ASXL2: variants seen among roughly 807,000 people sequenced by gnomAD.
ASXL2 encodes the protein ASXL transcriptional regulator 2.
In ASXL2, 23 loss-of-function variants were observed where a neutral mutation model predicts 122.0. That is an observed-to-expected ratio of 0.19 (90% CI 0.14 to 0.27). The LOEUF (loss-of-function observed/expected upper bound fraction) is 0.27, where lower values mean the gene tolerates loss of function less well. Ranked by LOEUF, ASXL2 falls within the 10% of genes least tolerant of loss-of-function variation. ASXL2 has a pLI of 1.00. For synonymous variants in ASXL2, 650 were observed against 637.0 expected (o/e 1.02, Z -0.31); for missense variants, 1,518 against 1,713.8 (o/e 0.89, Z 2.02).
intron 3 of ASXL2, among the ~76,000 whole-genome samples, chr2:25,832,571 CAA>C (rs371192944): frequency 1.4e-5 from 2 of 140,894 alleles, no homozygotes. Flanking sequence ...CAGCATGGGC[CAA>C]AAAAAAAAAA....
intron 1 of ASXL2, 98 bp downstream of exon 1, chr2:25,878,068 G>A: frequency 1.3e-6 from 2 of 1,506,012 alleles, no homozygotes; most frequent in African/African-American, 1.4e-5. Flanking sequence ...TGCCCCTTCA[G>A]CCGGGTCCCT....
chr2:25,781,856 G>A (rs1428446664), intron 5 of ASXL2, among the ~76,000 whole-genome samples: 1 of 150,286 alleles, frequency 6.7e-6, no homozygotes, highest in African/African-American at 2.4e-5. Flanking sequence ...TAGAGACGGG[G>A]TTTTGCCATA....
At chr2:25,863,567 C>A (rs2089863810) in intron 1 of ASXL2, among the ~76,000 whole-genome samples, 1 of 151,502 alleles carries the variant, frequency 6.6e-6, no homozygotes, top group Admixed American at 6.6e-5. Context: ...GTGGCAGGCA[C>A]CTGTAGTCCC....
intron 3 of ASXL2, among the ~76,000 whole-genome samples, chr2:25,807,817 T>C (rs527276933): frequency 2.0e-4 from 30 of 152,264 alleles, no homozygotes; most frequent in African/African-American, 7.0e-4. Context: ...GGTCATGCCA[T>C]AGTCCCCTGT....
At position 25,743,764 on chromosome 2, in the gene ASXL2, T is replaced by C; in HGVS notation, c.2573A>G (p.Lys858Arg). ...AGGTATATTCTTACTAGGACCTGCT[T>C]TGAGCTCAACTGTGCCATCAGCTGC... ...HCAADGTVELKAGPSKNIPNP... is the reference protein window; with the variant it reads ...HCAADGTVELRAGPSKNIPNP... Residue 858 changes from lysine to arginine, a missense_variant, in exon 13 of 13, where the codon AAA becomes AGA. This residue lies in a region of ASXL2 where 831 missense variants were observed against 833.1 expected (regional missense o/e 1.00). Coordinates refer to ENST00000435504, the MANE Select transcript of ASXL2 (RefSeq NM_018263.6). 5 of 1,614,008 alleles carry C rather than the reference T, an allele frequency of 3.1e-6. No individual in the cohort carries two copies. The highest frequency in any genetic ancestry group is 4.2e-6 in the Non-Finnish European group (5 of 1,179,890).
Position 25,743,740 on chromosome 2 carries a change from G to C in ASXL2, c.2597C>G (p.Pro866Arg). 6.2e-7 allele frequency: 1 copy of C among 1,613,994 alleles called. No individual in the cohort carries two copies. The highest frequency in any genetic ancestry group is 8.5e-7 in the Non-Finnish European group (1 of 1,179,898). ...ELKAGPSKNI[P>R]NPSASSKTDA... is the part of the protein sequence containing the mutation. Reference sequence around the variant, plus strand: ...TGTCTTTGATGAGGCTGAAGGGTTAGGTATATTCTTACTAGGACCTGCTTT... The same window carrying C: ...TGTCTTTGATGAGGCTGAAGGGTTACGTATATTCTTACTAGGACCTGCTTT... Residue 866 changes from proline to arginine, a missense_variant, in exon 13 of 13, where the codon CCT (proline) becomes CGT (arginine). Pro to Arg is a moderately radical substitution (Grantham distance 103, BLOSUM62 -2). Transcript: ENST00000435504.
At chr2:25,805,665 T>TTA (rs1363490680) in intron 4 of ASXL2, among the ~76,000 whole-genome samples, 1 of 138,834 alleles carries the variant, frequency 7.2e-6, no homozygotes, top group African/African-American at 2.9e-5. Context: ...TATTTATTTT[T>TTA]TATTTTATTT....
chr2:25,761,969 A>G (rs1437189448), intron 8 of ASXL2, among the ~76,000 whole-genome samples: 3 of 152,120 alleles, frequency 2.0e-5, no homozygotes, highest in Non-Finnish European at 4.4e-5. Context: ...GTAGATAAAT[A>G]TATGTCCACA....
At chr2:25,861,538 A>AT (rs2089843044) in intron 1 of ASXL2, among the ~76,000 whole-genome samples, 2 of 152,224 alleles carry the variant, frequency 1.3e-5, no homozygotes, top group African/African-American at 4.8e-5. Flanking sequence ...CAAAATACTT[A>AT]AAGAACTATA....
chr2:25,765,602 T>TAG (rs1003921751), intron 8 of ASXL2, among the ~76,000 whole-genome samples: 2 of 152,246 alleles, frequency 1.3e-5, no homozygotes, highest in African/African-American at 4.8e-5. Context: ...TCTCAGCCAT[T>TAG]AGGTCAAACT....
At chr2:25,864,005 CAAA>C (rs977956229) in intron 1 of ASXL2, among the ~76,000 whole-genome samples, 3 of 92,760 alleles carry the variant, frequency 3.2e-5, no homozygotes, top group Non-Finnish European at 2.2e-5. Flanking sequence ...GACTCCATCT[CAAA>C]AAAAAAAAAA....
chr2:25,799,546 AG>A lies in ASXL2; in HGVS notation c.253-12del, dbSNP rs2088963927. On this transcript the variant is annotated splice_polypyrimidine_tract_variant and intron_variant, in intron 4 of 12. Transcript: ENST00000435504. Reference sequence around the variant, plus strand: ...ATCCGGCACATCTTTCTGAAAATGTAGGCATCCAATTAGGATTAATCATTAC... The same window carrying A: ...ATCCGGCACATCTTTCTGAAAATGTAGCATCCAATTAGGATTAATCATTAC... 6.2e-7 allele frequency: 1 copy of A among 1,607,756 alleles called. No individual in the cohort carries two copies. Among genetic ancestry groups the A allele is most frequent in the Non-Finnish European group, 8.5e-7 (1 of 1,177,368 alleles).
intron 3 of ASXL2, among the ~76,000 whole-genome samples, chr2:25,812,254 T>C (rs1045294990): frequency 6.6e-6 from 1 of 150,954 alleles, no homozygotes; most frequent in African/African-American, 2.4e-5. Context: ...AGGTCAGGAA[T>C]TAAAGACCAG....
intron 3 of ASXL2, among the ~76,000 whole-genome samples, chr2:25,819,856 T>C (rs557620829): frequency 6.6e-6 from 1 of 152,362 alleles, no homozygotes; most frequent in East Asian, 1.9e-4. Flanking sequence ...AGTTAAAGAA[T>C]GTACTTGCCT....
rs1184785639 is a variant in ASXL2, at chr2:25,734,856, A to C, written c.*7173T>G. 6.6e-6 allele frequency: 1 copy of C among 152,222 alleles called. No individual in the cohort carries two copies. The highest frequency in any genetic ancestry group is 1.5e-5 in the Non-Finnish European group (1 of 68,026). The allele number at this position is 152,222 out of a possible 1,614,324, so 9.4% of individuals were successfully genotyped here. On this transcript the variant is annotated 3_prime_UTR_variant, in exon 13 of 13. Coordinates refer to ENST00000435504, the MANE Select transcript of ASXL2 (RefSeq NM_018263.6). ...TACATTCATGGCAATTCAACATTACATTAAGTGAATCTAAAATCTTAAAAA... is the reference window on the plus strand; with the variant it reads ...TACATTCATGGCAATTCAACATTACCTTAAGTGAATCTAAAATCTTAAAAA...
At chr2:25,780,870 G>A (rs1407328559) in intron 5 of ASXL2, among the ~76,000 whole-genome samples, 3 of 151,370 alleles carry the variant, frequency 2.0e-5, no homozygotes, top group Non-Finnish European at 2.9e-5. Flanking sequence ...GGCGGATCAC[G>A]AGGTCAGGAG....
chr2:25,782,054 C>G (rs1190745606), intron 5 of ASXL2, among the ~76,000 whole-genome samples: 1 of 148,016 alleles, frequency 6.8e-6, no homozygotes, highest in African/African-American at 2.5e-5. Context: ...GATCCTCCTG[C>G]CCTACCCTCC....
At chr2:25,748,285 G>C (rs1424873329) in intron 12 of ASXL2, among the ~76,000 whole-genome samples, 1 of 149,368 alleles carries the variant, frequency 6.7e-6, no homozygotes, top group Non-Finnish European at 1.5e-5. Flanking sequence ...GATGACTTGA[G>C]GTCAGGAGTT....
intron 5 of ASXL2, 112 bp downstream of exon 5, chr2:25,799,273 G>A: frequency 1.4e-6 from 2 of 1,423,620 alleles, no homozygotes; most frequent in Non-Finnish European, 2.0e-6. Context: ...GACTGTTATA[G>A]AGGGTAAGGG....
Sources: allele counts gnomAD v4.1 joint callset (sites outside exome capture counted in the v4.1 genomes callset), GRCh38; gene constraint gnomAD v4.1.1; regional missense constraint gnomAD v4.1.1; transcripts MANE v1.5; gene names NCBI Gene and HGNC (gene_info 2026-07-23, HGNC 2026-07-21).